Variants in COL4A1 observed in about 807,000 individuals in gnomAD.
COL4A1 encodes collagen alpha-1(IV) chain.
In COL4A1, 40 loss-of-function variants were observed where a neutral mutation model predicts 216.6. The ratio of observed to expected loss-of-function variants is 0.18; its 90% CI spans 0.14 to 0.24. COL4A1 has a LOEUF of 0.24. Ranked by LOEUF, COL4A1 falls within the 10% of genes least tolerant of loss-of-function variation. COL4A1 has a pLI of 1.00. For missense variants in COL4A1, 1,628 were observed against 2,196.8 expected, an observed-to-expected ratio of 0.74 and a Z score of 5.18; for synonymous variants, 839 against 810.7, an observed-to-expected ratio of 1.03 and a Z score of -0.59.
intron 51 of COL4A1, among the ~76,000 whole-genome samples, chr13:110,152,063 G>C (rs1421132197): frequency 6.6e-6 from 1 of 152,064 alleles, no homozygotes. Flanking sequence ...GATTTCAGTT[G>C]CTTTAATTAC....
chr13:110,267,552 T>C lies in COL4A1; in HGVS notation c.85-24818A>G, dbSNP rs546906777. 3.9e-5 allele frequency among the ~76,000 whole-genome samples: 6 copies of C among 152,238 alleles called. No individual in the cohort carries two copies. In the South Asian group the frequency reaches 1.2e-3, roughly 32 times the overall value. Reference sequence around the variant, plus strand: ...AGCTCTCAGTCTCTGGAGTTTTCCTTATCCACCAGTAAGCTCCCCTTATCC... The same window carrying C: ...AGCTCTCAGTCTCTGGAGTTTTCCTCATCCACCAGTAAGCTCCCCTTATCC... On this transcript the variant is annotated intron_variant, in intron 1 of 51. Coordinates refer to ENST00000375820, the MANE Select transcript of COL4A1 (RefSeq NM_001845.6).
chr13:110,290,960 A>C (rs532892440), intron 1 of COL4A1, among the ~76,000 whole-genome samples: 1 of 152,226 alleles, frequency 6.6e-6, no homozygotes, highest in Non-Finnish European at 1.5e-5. Flanking sequence ...GGGCGATTGC[A>C]CGTCCCCCAG....
intron 49 of COL4A1, 83 bp from the exon 50 acceptor site, chr13:110,155,480 C>T: frequency 1.2e-6 from 1 of 830,156 alleles, no homozygotes; most frequent in Non-Finnish European, 2.1e-6. Flanking sequence ...TACCTACACT[C>T]AACATCCTCA....
chr13:110,227,487 C>T (rs906991199), intron 2 of COL4A1, among the ~76,000 whole-genome samples: 2 of 150,972 alleles, frequency 1.3e-5, no homozygotes, highest in Non-Finnish European at 3.0e-5. Flanking sequence ...GACAGAGAGA[C>T]ATAAAGAGAG....
rs578058632 is a variant in COL4A1, at chr13:110,162,900, G to C, written c.4250-458C>G. 2.6e-5 allele frequency among the ~76,000 whole-genome samples: 4 copies of C among 152,354 alleles called. No individual in the cohort carries two copies. The South Asian group carries it at 8.3e-4, about 32-fold the overall frequency. ...TCCTCCATAGCAGCCCAAAGCCTGC[G>C]TATGGAAATGGAGCAGTAAGGGACC... On this transcript the variant is annotated intron_variant, in intron 47 of 51. Coordinates refer to ENST00000375820, the MANE Select transcript of COL4A1 (RefSeq NM_001845.6).
chr13:110,302,703 A>G (rs1884542887), intron 1 of COL4A1, among the ~76,000 whole-genome samples: 1 of 152,234 alleles, frequency 6.6e-6, no homozygotes, highest in Admixed American at 6.5e-5. Flanking sequence ...GAAGAAATTC[A>G]CCATTAAAAC....
intron 1 of COL4A1, among the ~76,000 whole-genome samples, chr13:110,252,536 A>AAT: frequency 1.0e-4 from 1 of 9,940 alleles, no homozygotes; most frequent in East Asian, 0.011. Flanking sequence ...TTATACGTAT[A>AAT]TATGTATTAT....
At chr13:110,184,703 T>TGTGTTTTG (rs771419820) in intron 26 of COL4A1, among the ~76,000 whole-genome samples, 1 of 149,042 alleles carries the variant, frequency 6.7e-6, no homozygotes, top group African/African-American at 2.4e-5. Flanking sequence ...TGTGTGTGTG[T>TGTGTTTTG]TTTGTTTGTT....
At position 110,197,294 on chromosome 13, in the gene COL4A1, C is replaced by T. The variant is rs1360540597; in HGVS notation, c.1285+1173G>A. Reference sequence around the variant, plus strand: ...CATCTCCTGCATTCATGAGAATTCCCTTGTCTTGGGTAACCCCTGTCAGCC... The same window carrying T: ...CATCTCCTGCATTCATGAGAATTCCTTTGTCTTGGGTAACCCCTGTCAGCC... On this transcript the variant is annotated intron_variant, in intron 21 of 51. Coordinates refer to ENST00000375820, the MANE Select transcript of COL4A1 (RefSeq NM_001845.6). Among the ~76,000 whole-genome samples, 3 of 150,210 alleles carry T rather than the reference C, an allele frequency of 2.0e-5. No homozygotes were observed. In the Admixed American group the frequency reaches 2.0e-4, roughly 10 times the overall value.
chr13:110,181,124 T>C (rs1420748504), intron 29 of COL4A1, among the ~76,000 whole-genome samples, 168 bp downstream of exon 29: 1 of 152,234 alleles, frequency 6.6e-6, no homozygotes, highest in Non-Finnish European at 1.5e-5. Context: ...TCAAAATACT[T>C]ACTTCCATGT....
Position 110,252,084 on chromosome 13 carries a change from C to T in COL4A1, c.85-9350G>A, listed in dbSNP as rs1212210307. ...TGTTGCCCAGGCTGGAGTGCTGTGG[C>T]GCGATCTCAACTCACTGCAACCTCC... On this transcript the variant is annotated intron_variant, in intron 1 of 51. Coordinates refer to ENST00000375820, the MANE Select transcript of COL4A1 (RefSeq NM_001845.6). Among the ~76,000 whole-genome samples, 10 of 152,116 alleles carry T rather than the reference C, an allele frequency of 6.6e-5. No individual in the cohort carries two copies. The South Asian group carries it at 1.0e-3, about 16-fold the overall frequency.
intron 1 of COL4A1, among the ~76,000 whole-genome samples, chr13:110,257,552 A>G (rs1882632994): frequency 6.6e-6 from 1 of 152,352 alleles, no homozygotes; most frequent in South Asian, 2.1e-4. Flanking sequence ...GGTCAAAGCC[A>G]TGGTCTCTCA....
At chr13:110,299,799 AAT>A (rs1271289515) in intron 1 of COL4A1, among the ~76,000 whole-genome samples, 2 of 152,228 alleles carry the variant, frequency 1.3e-5, no homozygotes, top group Admixed American at 1.3e-4. Flanking sequence ...GGTGGTAGCA[AAT>A]ACGTCACACA....
Position 110,164,972 on chromosome 13 carries a change from C to A in COL4A1, c.4040G>T (p.Gly1347Val). The change falls in exon 46 of 52, where the codon GGC becomes GTC. Residue 1347 changes from glycine (G) to valine (V), a missense_variant. By Grantham distance (109) the Gly-to-Val change is moderately radical (BLOSUM62 -3). This residue lies in a region of COL4A1 where 345 missense variants were observed against 476.9 expected (regional missense o/e 0.72). Coordinates refer to ENST00000375820, the MANE Select transcript of COL4A1 (RefSeq NM_001845.6). ...GATGATGTCGTAAGGACCTGGGGGGCCAGGAGGACCCGGGAGACCTGTGGG... is the reference window on the plus strand; with the variant it reads ...GATGATGTCGTAAGGACCTGGGGGGACAGGAGGACCCGGGAGACCTGTGGG... ...PGAKGLPGPPGPPGPYDIIKG... is the reference protein window; with the variant it reads ...PGAKGLPGPPVPPGPYDIIKG... The A allele has an allele frequency of 6.2e-7, 1 of 1,604,646 alleles. No individual in the cohort carries two copies. The highest frequency in any genetic ancestry group is 1.1e-5 in the South Asian group (1 of 89,006).
At chr13:110,219,963 T>TATAC (rs1354661202) in intron 2 of COL4A1, among the ~76,000 whole-genome samples, 7 of 33,416 alleles carry the variant, frequency 2.1e-4, no homozygotes, top group African/African-American at 5.8e-4. Context: ...CATACATACA[T>TATAC]ATACATATAT....
At position 110,162,287 on chromosome 13, in the gene COL4A1, G is replaced by T; in HGVS notation, c.4405C>A (p.His1469Asn). The T allele has an allele frequency of 6.2e-7, 1 of 1,614,232 alleles. No individual in the cohort carries two copies. The highest frequency in any genetic ancestry group is 8.5e-7 in the Non-Finnish European group (1 of 1,180,032). The part of the protein sequence containing the change: ...QCPSGTKILY[H>N]GYSLLYVQGN... ...TGCACGTAGAGCAAAGAGTACCCGTGGTAAAGAATTTTGGTCCCAGAAGGA... is the reference window on the plus strand; with the variant it reads ...TGCACGTAGAGCAAAGAGTACCCGTTGTAAAGAATTTTGGTCCCAGAAGGA... Residue 1469 changes from histidine to asparagine, a missense_variant, in exon 48 of 52, where the codon CAC becomes AAC. By Grantham distance (68) the His-to-Asn change is moderately conservative (BLOSUM62 1). Around this residue, in one of 8 missense-constraint regions of COL4A1, gnomAD observed 254 missense variants for 300.1 expected, o/e 0.85. Transcript: ENST00000375820.
chr13:110,186,283 G>A (rs1267111624), intron 26 of COL4A1, 102 bp downstream of exon 26: 10 of 1,428,834 alleles, frequency 7.0e-6, no homozygotes, highest in South Asian at 3.5e-5. Context: ...CCAAGTGTGC[G>A]CCCTGGCCTA....
At chr13:110,185,017 G>T (rs961224214) in intron 26 of COL4A1, among the ~76,000 whole-genome samples, 2 of 152,106 alleles carry the variant, frequency 1.3e-5, no homozygotes, top group Non-Finnish European at 2.9e-5. Context: ...ATGGGAATAG[G>T]AATTCATAAA....
chr13:110,209,757 G>C, intron 10 of COL4A1: 1 of 766,716 alleles, frequency 1.3e-6, no homozygotes, highest in East Asian at 2.4e-5. Context: ...TTGTTTCAGG[G>C]TATCAGTTTA....
Sources: allele counts gnomAD v4.1 joint callset (sites outside exome capture counted in the v4.1 genomes callset), GRCh38; gene constraint gnomAD v4.1.1; regional missense constraint gnomAD v4.1.1; transcripts MANE v1.5; gene names NCBI Gene and HGNC (gene_info 2026-07-23, HGNC 2026-07-21).